The following CAT variants were observed in gnomAD, a reference collection of about 807,000 sequenced individuals.
The protein encoded by CAT is epididymis secretory sperm binding protein.
In CAT, 43 loss-of-function variants were observed where a neutral mutation model predicts 59.0. That is an observed-to-expected ratio of 0.73 (90% CI 0.57 to 0.94). The LOEUF is 0.94. CAT is among the 40% of genes least tolerant of loss of function. The pLI, the probability that CAT is intolerant of heterozygous loss-of-function variation, is 0.00. For missense variants in CAT, 664 were observed against 682.9 expected, an observed-to-expected ratio of 0.97 and a Z score of 0.31; for synonymous variants, 218 against 230.9, an observed-to-expected ratio of 0.94 and a Z score of 0.51.
chr11:34,466,613 T>C (rs1172262321), intron 10 of CAT, among the ~76,000 whole-genome samples: 5 of 151,014 alleles, frequency 3.3e-5, no homozygotes, highest in Non-Finnish European at 3.0e-5. Flanking sequence ...CCGTCTCTAC[T>C]AAAAATACAA....
intron 8 of CAT, among the ~76,000 whole-genome samples, chr11:34,459,714 T>C (rs890059774): frequency 1.3e-5 from 2 of 152,118 alleles, no homozygotes; most frequent in Non-Finnish European, 1.5e-5. Flanking sequence ...TCTCCACCCA[T>C]AGGTGGGGTA....
intron 1 of CAT, among the ~76,000 whole-genome samples, chr11:34,440,796 C>T (rs2133175533): frequency 1.3e-5 from 2 of 152,268 alleles, no homozygotes; most frequent in African/African-American, 4.8e-5. Context: ...CTCCTGACCT[C>T]AGGAGATCTG....
At chr11:34,440,753 G>C (rs1856379671) in intron 1 of CAT, among the ~76,000 whole-genome samples, 1 of 151,906 alleles carries the variant, frequency 6.6e-6, no homozygotes, top group African/African-American at 2.4e-5. Flanking sequence ...AGTAGAGATG[G>C]GGTTTCACCA....
intron 1 of CAT, among the ~76,000 whole-genome samples, chr11:34,442,462 G>A (rs774581179): frequency 5.5e-4 from 83 of 152,142 alleles, no homozygotes; most frequent in Non-Finnish European, 2.2e-4. Context: ...TTAGCTGGGC[G>A]TGGTGGCACA....
At position 34,461,333 on chromosome 11, in the gene CAT, G is replaced by A. The variant is rs140071186; in HGVS notation, c.1139G>A (p.Arg380His). The change falls in exon 9 of 13, where the codon CGT (arginine) becomes CAT (histidine). Residue 380 changes from arginine to histidine, a missense_variant. By Grantham distance (29) the Arg-to-His change is conservative. Coordinates refer to ENST00000241052, the MANE Select transcript of CAT (RefSeq NM_001752.4). ...YLHIPVNCPY[R>H]ARVANYQRDG... Reference sequence around the variant, plus strand: ...CATATACCTGTGAACTGTCCCTACCGTGCTCGAGTGGCCAACTACCAGCGT... The same window carrying A: ...CATATACCTGTGAACTGTCCCTACCATGCTCGAGTGGCCAACTACCAGCGT... 50 of 1,614,050 alleles carry A rather than the reference G, an allele frequency of 3.1e-5. No individual in the cohort carries two copies. Among genetic ancestry groups the A allele is most frequent in the Middle Eastern group, 1.6e-4 (1 of 6,084 alleles).
chr11:34,455,952 G>A, intron 6 of CAT, 59 bp from the exon 7 acceptor site: 1 of 1,461,114 alleles, frequency 6.8e-7, no homozygotes, highest in East Asian at 2.3e-5. Context: ...AATTACTGAT[G>A]AAATTTTGAT....
chr11:34,460,751 C>T (rs1247461170), intron 8 of CAT: 4 of 236,432 alleles, frequency 1.7e-5, no homozygotes, highest in Non-Finnish European at 1.7e-5. Flanking sequence ...CCACTGTGCC[C>T]AGTTGGAAGT....
rs899442681 is a variant in CAT, at chr11:34,457,204, CTTTTTTTTTT to C, written c.1056+404_1056+413del. The stretch of plus-strand genomic sequence containing the variant: ...GTAAGCCTAACTTTATTTTCTTGTT[CTTTTTTTTTT>C]TTTTTTTTTTTTTTTTGTGACAGAG... On this transcript the variant is annotated intron_variant, in intron 8 of 12. Transcript: ENST00000241052. Among the ~76,000 whole-genome samples the C allele has an allele frequency of 4.5e-5, 3 of 66,178 alleles. No individual in the cohort carries two copies. The Admixed American group carries it at 5.6e-4, about 12-fold the overall frequency. The allele number at this position is 66,178 out of a possible 152,430, so 43.4% of individuals were successfully genotyped here.
chr11:34,439,200 C>T, intron 1 of CAT, 121 bp downstream of exon 1: 1 of 930,066 alleles, frequency 1.1e-6, no homozygotes. Context: ...GCTCACTGGG[C>T]AGGGGGGATC....
intron 10 of CAT, among the ~76,000 whole-genome samples, chr11:34,466,643 T>G (rs1590309626): frequency 6.7e-6 from 1 of 149,044 alleles, no homozygotes; most frequent in Admixed American, 6.7e-5. Context: ...TAGCCGGGCG[T>G]GGTGGCGGGC....
chr11:34,446,763 C>T (rs990039793), intron 1 of CAT, among the ~76,000 whole-genome samples: 7 of 148,276 alleles, frequency 4.7e-5, no homozygotes, highest in African/African-American at 7.5e-5. Context: ...TTTTTTGAGA[C>T]GGAGTTTCGC....
chr11:34,457,883 A>C (rs772604112), intron 8 of CAT, among the ~76,000 whole-genome samples: 4 of 152,274 alleles, frequency 2.6e-5, no homozygotes, highest in Non-Finnish European at 2.9e-5. Flanking sequence ...TTCAGTCTGC[A>C]TGGAGGACAA....
At chr11:34,453,993 G>T in intron 6 of CAT, 67 bp downstream of exon 6, 1 of 1,547,454 alleles carries the variant, frequency 6.5e-7, no homozygotes. Flanking sequence ...TTTCCTGAAG[G>T]ATTGAGCAAA....
chr11:34,455,440 T>G (rs1474622718), intron 6 of CAT, among the ~76,000 whole-genome samples: 1 of 151,968 alleles, frequency 6.6e-6, no homozygotes, highest in Non-Finnish European at 1.5e-5. Context: ...AGTCAGAATA[T>G]TAATTTTGCC....
chr11:34,449,254 A>G lies in CAT; in HGVS notation c.129A>G (p.Thr43=). The G allele has an allele frequency of 1.2e-6, 2 of 1,613,972 alleles. No homozygotes were observed. The highest frequency in any genetic ancestry group is 1.7e-6 in the Non-Finnish European group (2 of 1,179,786). Residue 43 remains threonine, a synonymous_variant, in exon 2 of 13, where the codon ACA becomes ACG. Coordinates refer to ENST00000241052, the MANE Select transcript of CAT (RefSeq NM_001752.4). Reference sequence around the variant, plus strand: ...TAGGAGACAAACTTAATGTTATTACAGTAGGGCCCCGTGGGCCCCTTCTTG... The same window carrying G: ...TAGGAGACAAACTTAATGTTATTACGGTAGGGCCCCGTGGGCCCCTTCTTG... ...NPVGDKLNVI[T]VGPRGPLLVQ...
rs910781090 is a variant in CAT at position 34,449,256 on chromosome 11, T to C, written c.131T>C (p.Val44Ala). 14 of 1,613,164 alleles carry C rather than the reference T, an allele frequency of 8.7e-6. No individual in the cohort carries two copies. The highest frequency in any genetic ancestry group is 3.3e-5 in the Admixed American group (2 of 60,008). The change falls in exon 2 of 13, where the codon GTA becomes GCA. Residue 44 changes from valine (V) to alanine (A), a missense_variant. By Grantham distance (64) the Val-to-Ala change is moderately conservative. Transcript: ENST00000241052. ...PVGDKLNVIT[V>A]GPRGPLLVQD... ...GGAGACAAACTTAATGTTATTACAG[T>C]AGGGCCCCGTGGGCCCCTTCTTGTT...
chr11:34,469,494 A>G (rs2133860869), intron 11 of CAT, among the ~76,000 whole-genome samples: 1 of 152,194 alleles, frequency 6.6e-6, no homozygotes, highest in South Asian at 2.1e-4. Flanking sequence ...GTTGTGCTGC[A>G]TGTACCAGTG....
At chr11:34,442,669 A>T (rs1856405383) in intron 1 of CAT, among the ~76,000 whole-genome samples, 1 of 152,186 alleles carries the variant, frequency 6.6e-6, no homozygotes, top group African/African-American at 2.4e-5. Flanking sequence ...AGGTTGAAGG[A>T]GGTGGGTGGG....
intron 4 of CAT, 41 bp downstream of exon 4, chr11:34,452,248 A>T (rs1244335882): frequency 2.5e-6 from 4 of 1,595,190 alleles, no homozygotes; most frequent in Non-Finnish European, 3.4e-6. Flanking sequence ...ATGTTTGTTG[A>T]CTTAAATTGA....
Sources: gnomAD v4.1 joint callset for allele counts (sites outside exome capture counted in the v4.1 genomes callset) on GRCh38, gnomAD v4.1.1 for gene constraint, MANE v1.5 for transcripts, NCBI Gene and HGNC (gene_info 2026-07-23, HGNC 2026-07-21) for gene names.